XPO7: variants seen among roughly 807,000 people sequenced by gnomAD.
The protein encoded by XPO7 is exportin-7.
XPO7 carries 21 observed loss-of-function variants against 144.3 expected under a neutral mutation model. The observed-to-expected ratio is 0.15, with a 90% confidence interval of 0.10 to 0.21. The LOEUF (loss-of-function observed/expected upper bound fraction) is 0.21. Among genes scored for constraint, XPO7 ranks in the 10% least tolerant of loss-of-function variants. XPO7 has a pLI of 1.00. For missense variants in XPO7, 808 were observed against 1,325.8 expected (o/e 0.61, Z 6.06); for synonymous variants, 580 against 499.6 (o/e 1.16, Z -2.15).
intron 1 of XPO7, among the ~76,000 whole-genome samples, chr8:21,922,055 T>TA (rs1275858091): frequency 1.3e-5 from 2 of 152,194 alleles, no homozygotes; most frequent in Admixed American, 6.5e-5. Flanking sequence ...ATATTTTTCT[T>TA]ATAACACTAA....
intron 22 of XPO7, 72 bp downstream of exon 22, chr8:21,998,909 G>C: frequency 6.4e-7 from 1 of 1,562,448 alleles, no homozygotes; most frequent in Non-Finnish European, 8.8e-7. Context: ...GCAGCATGTG[G>C]GTCTCTGGCC....
intron 12 of XPO7, 89 bp downstream of exon 12, chr8:21,984,928 C>G: frequency 4.3e-6 from 6 of 1,379,316 alleles, no homozygotes; most frequent in Non-Finnish European, 5.9e-6. Flanking sequence ...TCCTACCTCC[C>G]TGCAAAAGGA....
chr8:21,981,245 C>A (rs991738294), intron 9 of XPO7, among the ~76,000 whole-genome samples: 8 of 152,154 alleles, frequency 5.3e-5, no homozygotes, highest in Non-Finnish European at 8.8e-5. Flanking sequence ...GAATAAATTA[C>A]AGTAAGTGAT....
chr8:21,969,928 C>A, intron 3 of XPO7: 1 of 591,098 alleles, frequency 1.7e-6, no homozygotes, highest in Non-Finnish European at 2.8e-6. Context: ...ACTGCAAATT[C>A]TTCATGAGAC....
intron 15 of XPO7, 57 bp downstream of exon 15, chr8:21,987,914 A>T: frequency 6.4e-7 from 1 of 1,568,910 alleles, no homozygotes; most frequent in Non-Finnish European, 8.7e-7. Flanking sequence ...TGCAACTGTA[A>T]AATGTGATCT....
chr8:21,966,492 G>GT (rs1811889009), intron 1 of XPO7, among the ~76,000 whole-genome samples: 1 of 152,130 alleles, frequency 6.6e-6, no homozygotes, highest in Admixed American at 6.5e-5. Flanking sequence ...CGTGCCTCTG[G>GT]TATTTCACAC....
intron 1 of XPO7, among the ~76,000 whole-genome samples, chr8:21,962,751 A>G (rs1361335648): frequency 6.6e-6 from 1 of 152,242 alleles, no homozygotes; most frequent in Non-Finnish European, 1.5e-5. Flanking sequence ...AAATGGTAAT[A>G]TACTCAACAT....
chr8:21,951,506 G>A (rs982047943), intron 1 of XPO7, among the ~76,000 whole-genome samples: 2 of 152,124 alleles, frequency 1.3e-5, no homozygotes, highest in African/African-American at 2.4e-5. Flanking sequence ...TGTTTCCCAT[G>A]TAATGGAATA....
chr8:21,933,384 G>A (rs1007904871), intron 1 of XPO7, among the ~76,000 whole-genome samples: 2 of 152,072 alleles, frequency 1.3e-5, no homozygotes, highest in Non-Finnish European at 2.9e-5. Flanking sequence ...ACAGGCGTGA[G>A]CCACTGCGCC....
intron 14 of XPO7, among the ~76,000 whole-genome samples, chr8:21,987,481 G>A (rs1812618529): frequency 6.6e-6 from 1 of 152,142 alleles, no homozygotes; most frequent in Admixed American, 6.5e-5. Flanking sequence ...CTTAACAAAT[G>A]GCCAGTCCAA....
intron 1 of XPO7, among the ~76,000 whole-genome samples, chr8:21,955,344 T>C (rs975097302): frequency 1.3e-5 from 2 of 152,224 alleles, no homozygotes; most frequent in Non-Finnish European, 2.9e-5. Context: ...TTTGGAACAT[T>C]AGTTAAAAAT....
At chr8:21,979,919 G>A (rs1812347914) in intron 8 of XPO7, among the ~76,000 whole-genome samples, 165 bp from the exon 9 acceptor site, 2 of 151,736 alleles carry the variant, frequency 1.3e-5, no homozygotes, top group South Asian at 4.2e-4. Flanking sequence ...TGAATTTAAT[G>A]GGCTGCCGTG....
At chr8:21,948,028 A>G (rs187664027) in intron 1 of XPO7, among the ~76,000 whole-genome samples, 4 of 152,252 alleles carry the variant, frequency 2.6e-5, no homozygotes, top group Admixed American at 2.0e-4. Flanking sequence ...GAGGATTCTC[A>G]TTGAAGAGTA....
chr8:21,960,843 G>A (rs1211106697), intron 1 of XPO7, among the ~76,000 whole-genome samples: 3 of 152,204 alleles, frequency 2.0e-5, no homozygotes, highest in Non-Finnish European at 4.4e-5. Context: ...AAGTGCAGCT[G>A]TAGGTTGTTG....
At chr8:21,971,324 A>G (rs1412770946) in intron 4 of XPO7, among the ~76,000 whole-genome samples, 1 of 152,222 alleles carries the variant, frequency 6.6e-6, no homozygotes, top group Non-Finnish European at 1.5e-5. Flanking sequence ...TTCCACAAAC[A>G]GTTGATAAGA....
intron 1 of XPO7, among the ~76,000 whole-genome samples, chr8:21,948,936 T>C (rs1017449961): frequency 2.0e-5 from 3 of 152,214 alleles, no homozygotes; most frequent in African/African-American, 7.2e-5. Flanking sequence ...AGCTACTGAA[T>C]GTATAGACTC....
intron 17 of XPO7, 115 bp from the exon 18 acceptor site, chr8:21,990,696 A>T: frequency 9.0e-7 from 1 of 1,109,900 alleles, no homozygotes; most frequent in African/African-American, 1.6e-5. Context: ...CAGATCCTCA[A>T]GGAATGACTA....
At chr8:21,941,258 A>G (rs573211299) in intron 1 of XPO7, among the ~76,000 whole-genome samples, 7 of 151,954 alleles carry the variant, frequency 4.6e-5, no homozygotes, top group South Asian at 2.1e-4. Flanking sequence ...GACTCAGGCA[A>G]TCCTCCTACC....
intron 1 of XPO7, among the ~76,000 whole-genome samples, chr8:21,931,103 C>G (rs1810631515): frequency 6.6e-6 from 1 of 152,098 alleles, no homozygotes; most frequent in South Asian, 2.1e-4. Context: ...CTCTGCTTCC[C>G]AAAGTGCTGG....
Sources: allele counts gnomAD v4.1 joint callset (sites outside exome capture counted in the v4.1 genomes callset), GRCh38; gene constraint gnomAD v4.1.1; transcripts MANE v1.5; gene names NCBI Gene and HGNC (gene_info 2026-07-23, HGNC 2026-07-21).